The following RBPMS variants were observed in gnomAD, a reference collection of about 807,000 sequenced individuals.
The protein encoded by RBPMS is RNA-binding protein with multiple splicing.
RBPMS carries 7 observed loss-of-function variants against 26.8 expected under a neutral mutation model. The ratio of observed to expected loss-of-function variants is 0.26; its 90% CI spans 0.15 to 0.49. The LOEUF is 0.49. RBPMS is among the 20% of genes least tolerant of loss of function. RBPMS has a pLI of 0.98. For synonymous variants in RBPMS, 96 were observed against 93.3 expected, an observed-to-expected ratio of 1.03 and a Z score of -0.17; for missense variants, 186 against 250.0, an observed-to-expected ratio of 0.74 and a Z score of 1.73.
chr8:30,474,644 G>A (rs1342170070), intron 1 of RBPMS, 135 bp from the exon 2 acceptor site: 6 of 609,336 alleles, frequency 9.8e-6, no homozygotes, highest in South Asian at 2.5e-5. Context: ...TGAAGTATTC[G>A]TTGTATCATG....
intron 5 of RBPMS, among the ~76,000 whole-genome samples, chr8:30,514,928 C>A (rs937728666): frequency 5.3e-5 from 8 of 152,010 alleles, no homozygotes; most frequent in African/African-American, 1.9e-4. Flanking sequence ...GTATTATATT[C>A]CAAAATCATG....
intron 1 of RBPMS, among the ~76,000 whole-genome samples, chr8:30,390,430 AC>A (rs1563277789): frequency 1.3e-5 from 2 of 152,192 alleles, no homozygotes; most frequent in Non-Finnish European, 2.9e-5. Flanking sequence ...CTTACACCAT[AC>A]TGCTGGGCCC....
intron 6 of RBPMS, chr8:30,553,733 C>T (rs1237856713): frequency 1.3e-5 from 2 of 152,178 alleles, no homozygotes; most frequent in East Asian, 3.9e-4. Context: ...AGATAACATT[C>T]TTGTCATTTA....
chr8:30,521,888 A>C (rs536641156), intron 5 of RBPMS, among the ~76,000 whole-genome samples: 7 of 152,304 alleles, frequency 4.6e-5, no homozygotes, highest in African/African-American at 1.4e-4. Context: ...CCAAAATCAT[A>C]ATAAATAAAG....
chr8:30,528,351 T>C (rs1823830332), intron 5 of RBPMS, among the ~76,000 whole-genome samples: 1 of 152,096 alleles, frequency 6.6e-6, no homozygotes, highest in Non-Finnish European at 1.5e-5. Flanking sequence ...GAAATTTTAC[T>C]GGTACAGAGA....
chr8:30,541,572 C>G (rs1055055048), intron 5 of RBPMS, among the ~76,000 whole-genome samples: 8 of 152,248 alleles, frequency 5.3e-5, no homozygotes, highest in Non-Finnish European at 7.3e-5. Context: ...GATCTGCCCT[C>G]TTTCTGCTTA....
intron 1 of RBPMS, among the ~76,000 whole-genome samples, chr8:30,386,905 A>G (rs1338380348): frequency 6.6e-6 from 1 of 152,120 alleles, no homozygotes; most frequent in African/African-American, 2.4e-5. Context: ...ATGTCCTAAA[A>G]ATCATACCCA....
chr8:30,453,470 C>T (rs1165754662), intron 1 of RBPMS, among the ~76,000 whole-genome samples: 1 of 152,138 alleles, frequency 6.6e-6, no homozygotes, highest in Non-Finnish European at 1.5e-5. Context: ...AGAAACAAAA[C>T]AGCTTTTAGC....
intron 2 of RBPMS, among the ~76,000 whole-genome samples, chr8:30,475,398 T>C (rs1002924598): frequency 6.6e-6 from 1 of 152,178 alleles, no homozygotes; most frequent in Admixed American, 6.5e-5. Flanking sequence ...TAAGCCAAAA[T>C]AGCCTTGCTG....
intron 1 of RBPMS, chr8:30,444,667 G>A (rs1359438526): frequency 6.6e-6 from 1 of 152,150 alleles, no homozygotes; most frequent in African/African-American, 2.4e-5. Flanking sequence ...TATCTCATTT[G>A]GGTTTCAGGT....
chr8:30,462,012 C>T (rs74319401), intron 1 of RBPMS, among the ~76,000 whole-genome samples: 2,729 of 152,112 alleles, frequency 0.018, 66 homozygotes, highest in African/African-American at 0.061. Context: ...CAAGTTGTTG[C>T]TTGTATTAGT....
At chr8:30,445,621 TAC>T (rs1163906834) in intron 1 of RBPMS, among the ~76,000 whole-genome samples, 2 of 138,432 alleles carry the variant, frequency 1.4e-5, no homozygotes, top group African/African-American at 2.7e-5. Context: ...ATTACATGTA[TAC>T]ACACACATAT....
Position 30,385,024 on chromosome 8 carries a change from TG to T in RBPMS, c.-66del. On this transcript the variant is annotated 5_prime_UTR_variant, in exon 1 of 9. Coordinates refer to ENST00000397323, the MANE Select transcript of RBPMS (RefSeq NM_001008710.3). Reference sequence around the variant, plus strand: ...CCCCGGCGCCCGGGGAAGGCTCCAGTGGGCTAGCGCGCCCTCGCCCAGCCCC... The same window carrying T: ...CCCCGGCGCCCGGGGAAGGCTCCAGTGGCTAGCGCGCCCTCGCCCAGCCCC... The T allele has an allele frequency of 7.7e-7, 1 of 1,303,138 alleles. No individual in the cohort carries two copies. Among genetic ancestry groups the T allele is most frequent in the Non-Finnish European group, 1.0e-6 (1 of 976,796 alleles). The allele number at this position is 1,303,138 out of a possible 1,614,324, so 80.7% of individuals were successfully genotyped here. A position where few individuals can be genotyped will look rare whatever the true frequency, so the allele number is the denominator to read the frequency against.
intron 5 of RBPMS, among the ~76,000 whole-genome samples, chr8:30,505,388 C>G (rs1007964230): frequency 2.4e-4 from 37 of 152,224 alleles, no homozygotes; most frequent in Non-Finnish European, 7.4e-5. Flanking sequence ...ATTCCTTGCT[C>G]CCCCCATGTC....
At chr8:30,455,718 A>C (rs1223231098) in intron 1 of RBPMS, among the ~76,000 whole-genome samples, 1 of 151,724 alleles carries the variant, frequency 6.6e-6, no homozygotes, top group Non-Finnish European at 1.5e-5. Flanking sequence ...TGAAACCCCA[A>C]CTCTACTAAA....
At chr8:30,459,346 C>T (rs185869288) in intron 1 of RBPMS, among the ~76,000 whole-genome samples, 5 of 151,862 alleles carry the variant, frequency 3.3e-5, no homozygotes, top group Admixed American at 6.6e-5. Flanking sequence ...TCCTTGAACT[C>T]GTGTGCTCAA....
chr8:30,566,008 C>G (rs1012877169), intron 7 of RBPMS: 1 of 152,598 alleles, frequency 6.6e-6, no homozygotes, highest in Non-Finnish European at 1.5e-5. Context: ...CGCTGGCCCC[C>G]AGAAGCCTCC....
chr8:30,511,476 A>ATATAT (rs1821602788), intron 5 of RBPMS, among the ~76,000 whole-genome samples: 19 of 5,080 alleles, frequency 3.7e-3, no homozygotes, highest in African/African-American at 9.5e-3. Flanking sequence ...AAAAAGAAAA[A>ATATAT]AAAAAAAAAA....
chr8:30,518,687 C>CTTTGTTTTTTTTTTTTTTTT (rs1822628044), intron 5 of RBPMS, among the ~76,000 whole-genome samples: 1 of 18,236 alleles, frequency 5.5e-5, no homozygotes, highest in Non-Finnish European at 9.8e-5. Context: ...CCAAGCATGA[C>CTTTGTTTTTTTTTTTTTTTT]TTTTTTTTTT....
Sources: gnomAD v4.1 joint callset for allele counts (sites outside exome capture counted in the v4.1 genomes callset) on GRCh38, gnomAD v4.1.1 for gene constraint, MANE v1.5 for transcripts, NCBI Gene and HGNC (gene_info 2026-07-23, HGNC 2026-07-21) for gene names.